HS6ST3: variants seen among roughly 807,000 people sequenced by gnomAD.
HS6ST3 encodes the protein heparan sulfate 6-O-sulfotransferase 3, also known as heparan-sulfate 6-O-sulfotransferase 3.
A neutral mutation model predicts 36.7 loss-of-function variants in HS6ST3; 12 were observed. The observed-to-expected ratio is 0.33, with a 90% CI of 0.21 to 0.53. HS6ST3 has a LOEUF of 0.53. Among genes scored for constraint, HS6ST3 ranks in the 20% least tolerant of loss-of-function variants. The pLI is 0.95. For synonymous variants in HS6ST3, 240 were observed against 257.5 expected, an observed-to-expected ratio of 0.93 and a Z score of 0.65; for missense variants, 584 against 640.9, an observed-to-expected ratio of 0.91 and a Z score of 0.96.
intron 1 of HS6ST3, among the ~76,000 whole-genome samples, chr13:96,395,649 A>G (rs975404308): frequency 2.0e-5 from 3 of 152,172 alleles, no homozygotes; most frequent in African/African-American, 7.2e-5. Context: ...CATTGCACTT[A>G]GGAAAACTAT....
intron 1 of HS6ST3, among the ~76,000 whole-genome samples, chr13:96,709,422 G>T (rs1014248943): frequency 6.6e-6 from 1 of 152,132 alleles, no homozygotes; most frequent in African/African-American, 2.4e-5. Context: ...CGTCCTGGAG[G>T]CTTGCCCAAT....
chr13:96,802,879 C>G (rs1265829909), intron 1 of HS6ST3, among the ~76,000 whole-genome samples: 1 of 152,140 alleles, frequency 6.6e-6, no homozygotes, highest in South Asian at 2.1e-4. Context: ...TTTCAAGTGG[C>G]ATTTTAAAGT....
chr13:96,128,012 AGT>A (rs1173825783), intron 1 of HS6ST3, among the ~76,000 whole-genome samples: 1 of 152,202 alleles, frequency 6.6e-6, no homozygotes, highest in Non-Finnish European at 1.5e-5. Context: ...TTTCTGAGTC[AGT>A]GTGATTGGAA....
At chr13:96,812,338 G>A (rs950964478) in intron 1 of HS6ST3, among the ~76,000 whole-genome samples, 1 of 152,078 alleles carries the variant, frequency 6.6e-6, no homozygotes, top group African/African-American at 2.4e-5. Context: ...CTTTCTTGAA[G>A]CCTTTTTTTC....
At position 96,189,080 on chromosome 13, in the gene HS6ST3, A is replaced by G. The variant is rs927777123; in HGVS notation, c.707+97511A>G. Among the ~76,000 whole-genome samples the G allele has an allele frequency of 5.9e-5, 9 of 152,280 alleles. No individual in the cohort carries two copies. In the South Asian group the frequency reaches 6.2e-4, roughly 11 times the overall value. On this transcript the variant is annotated intron_variant, in intron 1 of 1. Transcript: ENST00000376705. ...CATTTCAGTTCATTTTTCTTCATCT[A>G]TAATTTTCTATAAATAAAATTTCAT...
chr13:96,466,742 A>T (rs1248627702), intron 1 of HS6ST3, among the ~76,000 whole-genome samples: 1 of 149,256 alleles, frequency 6.7e-6, no homozygotes, highest in Non-Finnish European at 1.5e-5. Flanking sequence ...GTATCAAACC[A>T]TGAAGTTGGA....
At chr13:96,575,946 G>A (rs1054579357) in intron 1 of HS6ST3, among the ~76,000 whole-genome samples, 1 of 152,214 alleles carries the variant, frequency 6.6e-6, no homozygotes, top group Non-Finnish European at 1.5e-5. Flanking sequence ...AACTCGTCAA[G>A]TGGATTGGGT....
chr13:96,564,228 G>A (rs1011325360), intron 1 of HS6ST3, among the ~76,000 whole-genome samples: 1 of 152,104 alleles, frequency 6.6e-6, no homozygotes, highest in Non-Finnish European at 1.5e-5. Flanking sequence ...TACCTATTCA[G>A]GAATTCTTTG....
intron 1 of HS6ST3, among the ~76,000 whole-genome samples, chr13:96,554,262 G>A (rs561430046): frequency 6.6e-6 from 1 of 152,128 alleles, no homozygotes; most frequent in African/African-American, 2.4e-5. Context: ...AGGAAAGTGT[G>A]TTACCAAACC....
chr13:96,125,000 T>C (rs1349077607), intron 1 of HS6ST3, among the ~76,000 whole-genome samples: 1 of 152,140 alleles, frequency 6.6e-6, no homozygotes, highest in East Asian at 1.9e-4. Flanking sequence ...GTATGATAAC[T>C]TGAGAAATGA....
At chr13:96,716,216 C>G (rs1004365049) in intron 1 of HS6ST3, among the ~76,000 whole-genome samples, 1 of 152,048 alleles carries the variant, frequency 6.6e-6, no homozygotes, top group Non-Finnish European at 1.5e-5. Context: ...TAATATCAAG[C>G]ATTCCATTGA....
chr13:96,571,792 G>T (rs1239397451), intron 1 of HS6ST3, among the ~76,000 whole-genome samples: 2 of 152,178 alleles, frequency 1.3e-5, no homozygotes, highest in Non-Finnish European at 2.9e-5. Context: ...AAGAGTCAAA[G>T]ATAGTTTGTA....
chr13:96,633,867 T>G (rs888047690), intron 1 of HS6ST3, among the ~76,000 whole-genome samples: 1 of 152,182 alleles, frequency 6.6e-6, no homozygotes, highest in African/African-American at 2.4e-5. Context: ...TATGTGAGTC[T>G]GAAACTCAGT....
In HS6ST3 at chr13:96,683,065, A is replaced by G. The variant is rs2056723715; in HGVS notation, c.708-149425A>G. ...AGTTGTTATAAGGATTATTTGCATT[A>G]CTTGTCCTAGTCTCTGCCTTGTATA... On this transcript the variant is annotated intron_variant, in intron 1 of 1. Transcript: ENST00000376705. 7.2e-5 allele frequency among the ~76,000 whole-genome samples: 11 copies of G among 152,122 alleles called. No individual in the cohort carries two copies. The South Asian group carries it at 2.3e-3, about 31-fold the overall frequency.
intron 1 of HS6ST3, among the ~76,000 whole-genome samples, chr13:96,518,578 T>G (rs556073062): frequency 5.3e-5 from 8 of 152,288 alleles, no homozygotes; most frequent in African/African-American, 1.9e-4. Context: ...ATGAGTAACA[T>G]TTCTTAAAAC....
intron 1 of HS6ST3, among the ~76,000 whole-genome samples, chr13:96,520,994 A>T (rs900888632): frequency 6.6e-6 from 1 of 152,136 alleles, no homozygotes; most frequent in African/African-American, 2.4e-5. Context: ...TGTCATATAT[A>T]ACTCTTATTT....
rs376887642 is a variant in HS6ST3, at chr13:96,337,335, A to G, written c.707+245766A>G. ...CGTGATCCGCCTGTCTCGGCCTCCC[A>G]AAGTCCTGGGATTACAGGCGTGAGC... On this transcript the variant is annotated intron_variant, in intron 1 of 1. Coordinates refer to ENST00000376705, the MANE Select transcript of HS6ST3 (RefSeq NM_153456.4). Among the ~76,000 whole-genome samples, 10 of 152,288 alleles carry G rather than the reference A, an allele frequency of 6.6e-5. No homozygotes were observed. In the East Asian group the frequency reaches 1.9e-3, roughly 29 times the overall value.
chr13:96,829,334 T>C (rs568028670), intron 1 of HS6ST3, among the ~76,000 whole-genome samples: 3 of 152,116 alleles, frequency 2.0e-5, no homozygotes, highest in Non-Finnish European at 2.9e-5. Context: ...CTTTTTTTTT[T>C]AATTTTATTT....
intron 1 of HS6ST3, among the ~76,000 whole-genome samples, chr13:96,805,855 G>T (rs1004956306): frequency 3.9e-5 from 6 of 152,098 alleles, no homozygotes; most frequent in African/African-American, 1.4e-4. Context: ...GCATAAAGTT[G>T]TTACTTTACA....
Sources: gnomAD v4.1 joint callset for allele counts (sites outside exome capture counted in the v4.1 genomes callset) on GRCh38, gnomAD v4.1.1 for gene constraint, MANE v1.5 for transcripts, NCBI Gene and HGNC (gene_info 2026-07-23, HGNC 2026-07-21) for gene names.